Variants in MGAT4C observed in about 807,000 individuals in gnomAD.
MGAT4C encodes alpha-1,3-mannosyl-glycoprotein 4-beta-N-acetylglucosaminyltransferase C.
MGAT4C carries 19 observed loss-of-function variants against 40.1 expected under a neutral mutation model. That is an observed-to-expected ratio of 0.47 (90% CI 0.33 to 0.70). The LOEUF (loss-of-function observed/expected upper bound fraction) is 0.70. Ranked by LOEUF, MGAT4C falls within the 30% of genes least tolerant of loss-of-function variation. The probability of loss-of-function intolerance (pLI) is 0.02; values close to 1 mark genes in which losing one functional copy is unlikely to be tolerated. For missense variants in MGAT4C, 491 were observed against 563.2 expected (o/e 0.87, Z 1.30); for synonymous variants, 181 against 187.1 (o/e 0.97, Z 0.27).
At chr12:86,067,329 C>T (rs1046449866) in intron 1 of MGAT4C, among the ~76,000 whole-genome samples, 2 of 152,122 alleles carry the variant, frequency 1.3e-5, no homozygotes, top group Non-Finnish European at 2.9e-5. Flanking sequence ...CAGTGATAGA[C>T]TGGATAAAGA....
intron 2 of MGAT4C, among the ~76,000 whole-genome samples, chr12:86,640,775 T>C (rs1295345426): frequency 2.6e-5 from 4 of 152,016 alleles, no homozygotes; most frequent in Admixed American, 2.6e-4. Flanking sequence ...CTGCTTTGAA[T>C]GTGTCCCAGA....
At chr12:86,572,693 A>C (rs1960413121) in intron 2 of MGAT4C, among the ~76,000 whole-genome samples, 1 of 152,038 alleles carries the variant, frequency 6.6e-6, no homozygotes, top group African/African-American at 2.4e-5. Flanking sequence ...GGTCTGCCTC[A>C]ATTACACATG....
At chr12:86,113,874 A>T (rs1225610306) in intron 1 of MGAT4C, among the ~76,000 whole-genome samples, 1 of 151,970 alleles carries the variant, frequency 6.6e-6, no homozygotes, top group Non-Finnish European at 1.5e-5. Flanking sequence ...CAGGAAAGCA[A>T]GAGAGACTGG....
intron 2 of MGAT4C, among the ~76,000 whole-genome samples, chr12:86,690,899 T>G (rs951563308): frequency 4.6e-5 from 7 of 152,168 alleles, no homozygotes; most frequent in Non-Finnish European, 1.0e-4. Flanking sequence ...GACTCTGAAA[T>G]TCATATTTTT....
At chr12:86,321,842 A>T (rs1024636877) in intron 4 of MGAT4C, among the ~76,000 whole-genome samples, 2 of 152,144 alleles carry the variant, frequency 1.3e-5, no homozygotes, top group African/African-American at 4.8e-5. Context: ...AGAACTAGAA[A>T]TACCATTTGA....
intron 2 of MGAT4C, among the ~76,000 whole-genome samples, chr12:86,681,156 A>G (rs1949974339): frequency 6.6e-6 from 1 of 151,962 alleles, no homozygotes. Context: ...TTTATTATCC[A>G]TGTAATCCTC....
chr12:86,101,502 A>G (rs1875047490), intron 1 of MGAT4C, among the ~76,000 whole-genome samples: 1 of 151,834 alleles, frequency 6.6e-6, no homozygotes, highest in South Asian at 2.1e-4. Context: ...AAGAGATTAA[A>G]AAAGTCCATA....
At chr12:86,216,886 AT>A (rs1197464744) in intron 1 of MGAT4C, among the ~76,000 whole-genome samples, 6 of 152,010 alleles carry the variant, frequency 3.9e-5, no homozygotes, top group Non-Finnish European at 7.4e-5. Flanking sequence ...TGTATTACAA[AT>A]TTTTTTTCAG....
intron 2 of MGAT4C, among the ~76,000 whole-genome samples, chr12:86,480,377 G>A (rs1957911778): frequency 6.6e-6 from 1 of 151,468 alleles, no homozygotes; most frequent in Admixed American, 6.6e-5. Context: ...TTATGTAAAT[G>A]TATACATATG....
intron 2 of MGAT4C, among the ~76,000 whole-genome samples, chr12:86,517,319 T>C (rs759180552): frequency 9.9e-5 from 15 of 152,206 alleles, no homozygotes; most frequent in Non-Finnish European, 1.9e-4. Flanking sequence ...ACATATACAC[T>C]TAGTTCATGT....
chr12:86,207,529 A>C (rs1206061786), intron 1 of MGAT4C, among the ~76,000 whole-genome samples: 5 of 152,132 alleles, frequency 3.3e-5, no homozygotes, highest in Non-Finnish European at 7.4e-5. Context: ...GAATGAATAC[A>C]AGTTTGTCAG....
chr12:86,581,985 C>T (rs1284533580), intron 2 of MGAT4C, among the ~76,000 whole-genome samples: 1 of 151,378 alleles, frequency 6.6e-6, no homozygotes, highest in African/African-American at 2.4e-5. Flanking sequence ...TATAGATTTT[C>T]TGGGATATTC....
chr12:86,378,260 A>AT (rs77801434), intron 3 of MGAT4C, among the ~76,000 whole-genome samples: 2 of 151,984 alleles, frequency 1.3e-5, no homozygotes, highest in African/African-American at 4.8e-5. Context: ...TCTATTTTTA[A>AT]TTTTTTTTGA....
chr12:86,613,235 T>TA (rs1235801320), intron 2 of MGAT4C, among the ~76,000 whole-genome samples: 2 of 152,094 alleles, frequency 1.3e-5, no homozygotes, highest in Non-Finnish European at 2.9e-5. Flanking sequence ...AAGAAAAATT[T>TA]AAAAAAATAG....
At chr12:86,217,232 T>C (rs1338618099) in intron 1 of MGAT4C, among the ~76,000 whole-genome samples, 2 of 152,308 alleles carry the variant, frequency 1.3e-5, no homozygotes, top group South Asian at 2.1e-4. Flanking sequence ...TGGAGTGCAG[T>C]GGCACAATCT....
chr12:86,484,353 G>A (rs11103967), intron 2 of MGAT4C, among the ~76,000 whole-genome samples: 1 of 152,304 alleles, frequency 6.6e-6, no homozygotes, highest in East Asian at 1.9e-4. Context: ...GCAGGACTGG[G>A]TACATCTGTT....
chr12:86,599,223 A>AATAT (rs975536385), intron 2 of MGAT4C, among the ~76,000 whole-genome samples: 3 of 152,290 alleles, frequency 2.0e-5, no homozygotes, highest in Non-Finnish European at 4.4e-5. Flanking sequence ...AGATATGAAT[A>AATAT]ATAAATGTAT....
intron 1 of MGAT4C, among the ~76,000 whole-genome samples, chr12:86,175,733 C>A (rs1399721591): frequency 7.0e-6 from 1 of 142,290 alleles, no homozygotes; most frequent in Admixed American, 7.7e-5. Context: ...GGGCGGATCA[C>A]GAGGTTAGGA....
chr12:86,185,764 T>C (rs1888687990), intron 1 of MGAT4C, among the ~76,000 whole-genome samples: 2 of 152,210 alleles, frequency 1.3e-5, no homozygotes, highest in Non-Finnish European at 2.9e-5. Context: ...TATTTTATTT[T>C]ATCTTTCTCC....
Sources: allele counts gnomAD v4.1 joint callset (sites outside exome capture counted in the v4.1 genomes callset), GRCh38; gene constraint gnomAD v4.1.1; transcripts MANE v1.5; gene names NCBI Gene and HGNC (gene_info 2026-07-23, HGNC 2026-07-21).